The following FBXL17 variants were observed in gnomAD, a reference collection of about 807,000 sequenced individuals.
FBXL17 encodes the protein F-box and leucine rich repeat protein 17, also known as F-box/LRR-repeat protein 17.
Under a neutral mutation model 66.2 loss-of-function variants are expected in FBXL17, and 22 were observed. The observed-to-expected ratio is 0.33, with a 90% CI of 0.24 to 0.47. The LOEUF (loss-of-function observed/expected upper bound fraction) is 0.47, where lower values mean the gene tolerates loss of function less well. Ranked by LOEUF, FBXL17 falls within the 20% of genes least tolerant of loss-of-function variation. FBXL17 has a pLI of 1.00. For synonymous variants in FBXL17, 474 were observed against 400.5 expected (o/e 1.18, Z -2.19); for missense variants, 878 against 948.2 (o/e 0.93, Z 0.97).
chr5:108,042,314 A>G lies in FBXL17; in HGVS notation c.1746-21313T>C, dbSNP rs145052505. Among the ~76,000 whole-genome samples the G allele has an allele frequency of 2.2e-3, 330 of 152,328 alleles. 1 individual carries two copies. The highest frequency in any genetic ancestry group is 6.3e-3 in the African/African-American group (260 of 41,568). ...CACCATCTTGCAAAATTATAGTAGA[A>G]TATCACAAGCAGGATATTGACATTG... On this transcript the variant is annotated intron_variant, in intron 6 of 8. Coordinates refer to ENST00000542267, the MANE Select transcript of FBXL17 (RefSeq NM_001163315.3).
At chr5:108,286,577 G>C (rs1757909354) in intron 4 of FBXL17, among the ~76,000 whole-genome samples, 1 of 151,840 alleles carries the variant, frequency 6.6e-6, no homozygotes. Flanking sequence ...AAGGAATACA[G>C]CTAACCAGAG....
At chr5:107,943,943 T>G (rs182034413) in intron 7 of FBXL17, among the ~76,000 whole-genome samples, 1 of 152,318 alleles carries the variant, frequency 6.6e-6, no homozygotes, top group Non-Finnish European at 1.5e-5. Context: ...AATGCAGCAC[T>G]TCTGGCCACA....
chr5:108,013,403 C>T (rs192514666), intron 7 of FBXL17, among the ~76,000 whole-genome samples: 44 of 152,290 alleles, frequency 2.9e-4, no homozygotes, highest in Non-Finnish European at 4.9e-4. Flanking sequence ...GAATAACCAA[C>T]GCATACAAAA....
chr5:108,230,071 A>G (rs772741098), intron 4 of FBXL17, among the ~76,000 whole-genome samples: 5 of 152,182 alleles, frequency 3.3e-5, no homozygotes, highest in Non-Finnish European at 7.3e-5. Flanking sequence ...AAAAAGTAAT[A>G]GATGTTGGCG....
At chr5:108,064,178 G>A (rs1748029997) in intron 6 of FBXL17, among the ~76,000 whole-genome samples, 1 of 151,908 alleles carries the variant, frequency 6.6e-6, no homozygotes, top group African/African-American at 2.4e-5. Flanking sequence ...TATATTGCAG[G>A]CACACCTATA....
chr5:107,932,703 TTC>T (rs1051555995), intron 7 of FBXL17, among the ~76,000 whole-genome samples: 2 of 152,158 alleles, frequency 1.3e-5, no homozygotes, highest in African/African-American at 4.8e-5. Flanking sequence ...CATGATTTAT[TTC>T]TAAATAAGAG....
intron 7 of FBXL17, among the ~76,000 whole-genome samples, chr5:107,975,175 T>C (rs918861562): frequency 3.3e-5 from 5 of 152,198 alleles, no homozygotes; most frequent in African/African-American, 9.6e-5. Flanking sequence ...GAATTGCCTA[T>C]AAATATGCTC....
chr5:108,380,585 G>C, intron 1 of FBXL17, 114 bp downstream of exon 1: 1 of 601,332 alleles, frequency 1.7e-6, no homozygotes, highest in Non-Finnish European at 2.5e-6. Flanking sequence ...GACGTCCCTA[G>C]GCTGCCAGGG....
intron 7 of FBXL17, among the ~76,000 whole-genome samples, chr5:107,966,791 C>T (rs926795685): frequency 1.3e-5 from 2 of 152,104 alleles, no homozygotes; most frequent in African/African-American, 2.4e-5. Context: ...TTCCCAAATT[C>T]CCCATCATTA....
chr5:107,982,435 T>A (rs1752863383), intron 7 of FBXL17, among the ~76,000 whole-genome samples: 1 of 150,966 alleles, frequency 6.6e-6, no homozygotes, highest in Non-Finnish European at 1.5e-5. Flanking sequence ...TTATGAGGCT[T>A]TTCTCAATGC....
At chr5:108,054,178 A>T (rs963320568) in intron 6 of FBXL17, among the ~76,000 whole-genome samples, 5 of 152,068 alleles carry the variant, frequency 3.3e-5, no homozygotes, top group Middle Eastern at 3.4e-3. Flanking sequence ...ATCATGGCAC[A>T]TGTGTACCTG....
chr5:108,296,981 A>C (rs1758374069), intron 4 of FBXL17, among the ~76,000 whole-genome samples: 1 of 151,394 alleles, frequency 6.6e-6, no homozygotes, highest in African/African-American at 2.4e-5. Flanking sequence ...AAGGAAAATA[A>C]AAAGTATTTT....
chr5:108,280,209 C>T (rs1347096815), intron 4 of FBXL17, among the ~76,000 whole-genome samples: 1 of 151,992 alleles, frequency 6.6e-6, no homozygotes, highest in Non-Finnish European at 1.5e-5. Flanking sequence ...ACAGCAAATT[C>T]TGAAAACAGA....
chr5:107,996,266 T>C (rs2112704783), intron 7 of FBXL17, among the ~76,000 whole-genome samples: 1 of 152,324 alleles, frequency 6.6e-6, no homozygotes, highest in Non-Finnish European at 1.5e-5. Flanking sequence ...ATAACATTCC[T>C]GCTCTTAAAT....
chr5:107,962,499 G>A (rs1219883464), intron 7 of FBXL17, among the ~76,000 whole-genome samples: 1 of 151,932 alleles, frequency 6.6e-6, no homozygotes, highest in Non-Finnish European at 1.5e-5. Context: ...ACATATTACT[G>A]GGATAGAAAA....
chr5:108,323,256 G>A (rs760877731), intron 4 of FBXL17, among the ~76,000 whole-genome samples: 28 of 151,288 alleles, frequency 1.9e-4, no homozygotes, highest in Non-Finnish European at 3.8e-4. Context: ...CTTCAGCAAA[G>A]TTGTAGAATA....
chr5:108,073,178 A>G (rs1184684033), intron 6 of FBXL17, among the ~76,000 whole-genome samples: 5 of 152,220 alleles, frequency 3.3e-5, no homozygotes, highest in Non-Finnish European at 5.9e-5. Flanking sequence ...GAGTAACACC[A>G]AATCTACTGG....
intron 4 of FBXL17, among the ~76,000 whole-genome samples, chr5:108,295,621 CAA>C (rs1758314699): frequency 6.6e-6 from 1 of 151,894 alleles, no homozygotes; most frequent in African/African-American, 2.4e-5. Flanking sequence ...TTACTGTTTT[CAA>C]AGAGTTCACA....
chr5:108,001,273 A>T (rs1401236978), intron 7 of FBXL17, among the ~76,000 whole-genome samples: 1 of 152,170 alleles, frequency 6.6e-6, no homozygotes, highest in Non-Finnish European at 1.5e-5. Flanking sequence ...CAGAGAAATA[A>T]GAATGACATG....
Sources: gnomAD v4.1 joint callset for allele counts (sites outside exome capture counted in the v4.1 genomes callset) on GRCh38, gnomAD v4.1.1 for gene constraint, MANE v1.5 for transcripts, NCBI Gene and HGNC (gene_info 2026-07-23, HGNC 2026-07-21) for gene names.